Variants in SHLD2 observed in about 807,000 individuals in gnomAD.
SHLD2 encodes the protein shieldin complex subunit 2, also known as RINN1-REV7-interacting novel NHEJ regulator 2.
A neutral mutation model predicts 73.2 loss-of-function variants in SHLD2; 30 were observed. The observed-to-expected ratio is 0.41, with a 90% CI of 0.31 to 0.56. The LOEUF (loss-of-function observed/expected upper bound fraction) is 0.56. SHLD2 is among the 20% of genes least tolerant of loss of function. The probability of loss-of-function intolerance (pLI) is 0.28; values close to 1 mark genes in which losing one functional copy is unlikely to be tolerated. For missense variants in SHLD2, 745 were observed against 1,055.9 expected, an observed-to-expected ratio of 0.71 and a Z score of 4.08; for synonymous variants, 285 against 370.1, an observed-to-expected ratio of 0.77 and a Z score of 2.64.
intron 2 of SHLD2, among the ~76,000 whole-genome samples, chr10:87,107,909 C>T (rs1842700586): frequency 2.0e-5 from 3 of 151,140 alleles, no homozygotes; most frequent in African/African-American, 7.3e-5. Flanking sequence ...TTTTTTGAGG[C>T]AGTCTCACTC....
intron 9 of SHLD2, among the ~76,000 whole-genome samples, chr10:87,188,597 T>C (rs1455048820): frequency 6.6e-6 from 1 of 152,180 alleles, no homozygotes; most frequent in Non-Finnish European, 1.5e-5. Flanking sequence ...CTTATGTTGC[T>C]GACACTGGCA....
chr10:87,148,507 T>C (rs1290574787), intron 2 of SHLD2, among the ~76,000 whole-genome samples: 2 of 146,172 alleles, frequency 1.4e-5, no homozygotes, highest in African/African-American at 5.1e-5. Context: ...GGAGTAGAAG[T>C]GGTTGAAGAT....
At chr10:87,110,621 AAAG>A (rs2133998538) in intron 2 of SHLD2, among the ~76,000 whole-genome samples, 1 of 152,056 alleles carries the variant, frequency 6.6e-6, no homozygotes, top group South Asian at 2.1e-4. Context: ...AAAAAAAAAA[AAAG>A]CTCTCTTTTC....
intron 4 of SHLD2, among the ~76,000 whole-genome samples, chr10:87,159,888 T>C (rs990359620): frequency 6.6e-6 from 1 of 152,172 alleles, no homozygotes; most frequent in Non-Finnish European, 1.5e-5. Flanking sequence ...AAATGTCATA[T>C]AAGAACTGGA....
At chr10:87,149,845 C>T (rs1038382919) in intron 2 of SHLD2, among the ~76,000 whole-genome samples, 1 of 152,172 alleles carries the variant, frequency 6.6e-6, no homozygotes. Flanking sequence ...CCTCCCACCT[C>T]AGCCTCCCTA....
rs964158114 is a variant in SHLD2, at chr10:87,152,694, T to G, written c.1340T>G (p.Met447Arg). Residue 447 changes from methionine (M) to arginine (R), a missense_variant, in exon 3 of 10, where the codon ATG (methionine) becomes AGG (arginine). Physicochemically the swap from Met to Arg is moderately conservative, Grantham distance 91. Transcript: ENST00000298786. ...SKSQKYNCLV[M>R]VLSPCHVKEI... ...AGCCAGAAGTATAATTGTTTAGTCA[T>G]GGTGCTATCTCCATGCCATGTGAAG... 54 of 1,610,770 alleles carry G rather than the reference T, an allele frequency of 3.4e-5. No homozygotes were observed. The highest frequency in any genetic ancestry group is 4.5e-5 in the Non-Finnish European group (53 of 1,179,640).
intron 2 of SHLD2, among the ~76,000 whole-genome samples, chr10:87,135,469 C>T (rs1379865828): frequency 2.6e-5 from 4 of 151,968 alleles, no homozygotes; most frequent in East Asian, 3.9e-4. Flanking sequence ...ATTTTTGGGA[C>T]GAAGAACATG....
At chr10:87,132,828 G>C (rs529549471) in intron 2 of SHLD2, among the ~76,000 whole-genome samples, 7 of 152,240 alleles carry the variant, frequency 4.6e-5, no homozygotes, top group Admixed American at 2.6e-4. Flanking sequence ...CATTAAGTGG[G>C]GGTATAGAAT....
chr10:87,190,892 T>G lies in SHLD2; in HGVS notation c.*209T>G. The G allele has an allele frequency of 1.8e-6, 1 of 565,526 alleles. No individual in the cohort carries two copies. Among genetic ancestry groups the G allele is most frequent in the Non-Finnish European group, 3.1e-6 (1 of 319,826 alleles). 35.0% of individuals were successfully genotyped at this position (565,526 alleles called of 1,614,324 possible). Reference sequence around the variant, plus strand: ...TGTTTTTGTCTTTTGGTTTCTTACTTTCTCCTGGAGAAATGATCTACCAGT... The same window carrying G: ...TGTTTTTGTCTTTTGGTTTCTTACTGTCTCCTGGAGAAATGATCTACCAGT... On this transcript the variant is annotated 3_prime_UTR_variant, in exon 10 of 10. Coordinates refer to ENST00000298786, the MANE Select transcript of SHLD2 (RefSeq NM_001330112.2).
chr10:87,138,409 A>T (rs1204896742), intron 2 of SHLD2, among the ~76,000 whole-genome samples: 1 of 152,076 alleles, frequency 6.6e-6, no homozygotes. Context: ...CTAGATTTCT[A>T]TGGCCAGCAG....
Position 87,157,964 on chromosome 10 carries a change from T to C in SHLD2, c.1526-84T>C. 3.5e-6 allele frequency: 4 copies of C among 1,132,912 alleles called. No homozygotes were observed. The South Asian group carries it at 5.9e-5, about 17-fold the overall frequency. The allele number at this position is 1,132,912 out of a possible 1,614,324, so 70.2% of individuals were successfully genotyped here. On this transcript the variant is annotated intron_variant, in intron 3 of 9. Transcript: ENST00000298786. The stretch of plus-strand genomic sequence containing the variant: ...CTACTTGCTTGGTATATGGGAGGCA[T>C]GCATAGTATTTTGTTGTGACTAGTA...
At chr10:87,113,133 T>C (rs1157253100) in intron 2 of SHLD2, among the ~76,000 whole-genome samples, 2 of 152,130 alleles carry the variant, frequency 1.3e-5, no homozygotes, top group Non-Finnish European at 2.9e-5. Flanking sequence ...GAAGACCACC[T>C]GACCAACATG....
chr10:87,128,431 A>G (rs1844194275), intron 2 of SHLD2, among the ~76,000 whole-genome samples: 1 of 152,238 alleles, frequency 6.6e-6, no homozygotes, highest in African/African-American at 2.4e-5. Flanking sequence ...CAGTGCTCCA[A>G]CATGGAGTAG....
intron 2 of SHLD2, among the ~76,000 whole-genome samples, chr10:87,147,965 C>T (rs1179436138): frequency 6.6e-6 from 1 of 151,416 alleles, no homozygotes; most frequent in Non-Finnish European, 1.5e-5. Context: ...TCAAGCGATT[C>T]TCATGCCTCA....
intron 2 of SHLD2, among the ~76,000 whole-genome samples, chr10:87,101,447 G>C (rs964340888): frequency 6.6e-6 from 1 of 152,198 alleles, no homozygotes; most frequent in African/African-American, 2.4e-5. Flanking sequence ...TTTATTAAGA[G>C]ATAGGGTCTT....
chr10:87,164,269 T>C (rs1847038807), intron 4 of SHLD2, among the ~76,000 whole-genome samples: 1 of 150,748 alleles, frequency 6.6e-6, no homozygotes, highest in Middle Eastern at 3.2e-3. Context: ...CTCTTTTTTT[T>C]TGAGACAGGG....
At chr10:87,145,533 G>T (rs529949458) in intron 2 of SHLD2, among the ~76,000 whole-genome samples, 51 of 151,584 alleles carry the variant, frequency 3.4e-4, no homozygotes, top group Admixed American at 1.8e-3. Flanking sequence ...GATTTTTTTT[G>T]GTGTTTTTGG....
chr10:87,130,885 A>G (rs1378511606), intron 2 of SHLD2, among the ~76,000 whole-genome samples: 1 of 152,138 alleles, frequency 6.6e-6, no homozygotes, highest in Non-Finnish European at 1.5e-5. Flanking sequence ...AGCCTGGGCA[A>G]CATAGCAAAA....
At chr10:87,174,468 A>AGT (rs1847812210) in intron 6 of SHLD2, among the ~76,000 whole-genome samples, 1 of 150,188 alleles carries the variant, frequency 6.7e-6, no homozygotes, top group Non-Finnish European at 1.5e-5. Flanking sequence ...AAGCTATTTT[A>AGT]GTGATTGGTT....
Sources: allele counts gnomAD v4.1 joint callset (sites outside exome capture counted in the v4.1 genomes callset), GRCh38; gene constraint gnomAD v4.1.1; transcripts MANE v1.5; gene names NCBI Gene and HGNC (gene_info 2026-07-23, HGNC 2026-07-21).